Variants in ADCY8 observed in about 807,000 individuals in gnomAD.
ADCY8 encodes the protein adenylate cyclase type 8.
Under a neutral mutation model 119.7 loss-of-function variants are expected in ADCY8, and 51 were observed. That is an observed-to-expected ratio of 0.43 (90% confidence interval 0.34 to 0.54). The LOEUF is 0.54. Ranked by LOEUF, ADCY8 falls within the 20% of genes least tolerant of loss-of-function variation. The probability of loss-of-function intolerance (pLI) is 0.03; values close to 1 mark genes in which losing one functional copy is unlikely to be tolerated. For synonymous variants in ADCY8, 665 were observed against 651.0 expected (o/e 1.02, Z -0.33); for missense variants, 1,383 against 1,598.8 (o/e 0.87, Z 2.30).
At chr8:131,004,619 G>C (rs940316059) in intron 1 of ADCY8, among the ~76,000 whole-genome samples, 2 of 152,192 alleles carry the variant, frequency 1.3e-5, no homozygotes, top group Admixed American at 1.3e-4. Flanking sequence ...TCACGGTGCT[G>C]CTTCTTATTC....
intron 13 of ADCY8, among the ~76,000 whole-genome samples, chr8:130,816,529 C>G (rs1426865928): frequency 6.6e-6 from 1 of 151,524 alleles, no homozygotes; most frequent in Admixed American, 6.6e-5. Context: ...GGGTTCACCC[C>G]ATTCTCCTGC....
intron 14 of ADCY8, among the ~76,000 whole-genome samples, chr8:130,807,561 G>A (rs1816005984): frequency 6.6e-6 from 1 of 152,178 alleles, no homozygotes. Context: ...CCATGTGGGG[G>A]CACAGAGTTT....
At chr8:130,834,659 G>A (rs1816931196) in intron 12 of ADCY8, among the ~76,000 whole-genome samples, 1 of 152,138 alleles carries the variant, frequency 6.6e-6, no homozygotes, top group East Asian at 1.9e-4. Flanking sequence ...TTTGATGTTT[G>A]TGTTATTTCA....
chr8:130,951,900 A>T lies in ADCY8; in HGVS notation c.1209T>A (p.His403Gln). The T allele has an allele frequency of 6.2e-7, 1 of 1,614,062 alleles. No homozygotes were observed. The highest frequency in any genetic ancestry group is 8.5e-7 in the Non-Finnish European group (1 of 1,179,976). ...VEDEHLQHQF[H>Q]RIYIHRYENV... is the part of the protein sequence containing the mutation. ...TCTCATAGCGATGGATGTAGATCCG[A>T]TGGAACTGGTGCTGCAGGTGCTCAT... The change falls in exon 3 of 18, where the codon CAT becomes CAA. Residue 403 changes from histidine to glutamine, a missense_variant. By Grantham distance (24) the His-to-Gln change is conservative. Coordinates refer to ENST00000286355, the MANE Select transcript of ADCY8 (RefSeq NM_001115.3).
At chr8:131,032,972 T>C (rs1824040817) in intron 1 of ADCY8, among the ~76,000 whole-genome samples, 1 of 152,202 alleles carries the variant, frequency 6.6e-6, no homozygotes, top group African/African-American at 2.4e-5. Flanking sequence ...CAACCTTCAA[T>C]ACTGCCACTA....
intron 9 of ADCY8, among the ~76,000 whole-genome samples, chr8:130,854,827 C>CTCCCTTCCTTCCTTCCT (rs1817660878): frequency 8.1e-6 from 1 of 123,914 alleles, no homozygotes; most frequent in African/African-American, 3.3e-5. Flanking sequence ...CCCTCCCTCC[C>CTCCCTTCCTTCCTTCCT]TCCCTCCCTC....
chr8:130,856,092 G>A (rs62518091), intron 9 of ADCY8, among the ~76,000 whole-genome samples: 60,287 of 151,488 alleles, frequency 0.4, 12,478 homozygotes, highest in African/African-American at 0.51. Context: ...CTTTTTCCAT[G>A]ACCTGGTGAG....
At position 130,903,789 on chromosome 8, in the gene ADCY8, T is replaced by C. The variant is rs1819686422; in HGVS notation, c.1894A>G (p.Ile632Val). The C allele has an allele frequency of 5.6e-6, 9 of 1,612,460 alleles. No individual in the cohort carries two copies. Among genetic ancestry groups the C allele is most frequent in the Non-Finnish European group, 7.6e-6 (9 of 1,179,954 alleles). Residue 632 changes from isoleucine (I) to valine (V), a missense_variant, in exon 7 of 18, where the codon ATC (isoleucine) becomes GTC (valine). Transcript: ENST00000286355. The stretch of plus-strand genomic sequence containing the variant: ...GGACTTACATTCTGTTTCCCCACGA[T>C]ATTATCAAAGGGCAGTTCAGGGCTC... The part of the protein sequence containing the change: ...SWSPELPFDN[I>V]VGKQNTLAAL...
intron 5 of ADCY8, among the ~76,000 whole-genome samples, chr8:130,917,387 C>T (rs1194555064): frequency 6.6e-6 from 1 of 152,178 alleles, no homozygotes; most frequent in East Asian, 1.9e-4. Flanking sequence ...GGTTAAGTCA[C>T]ACGGGTGTTA....
At chr8:130,787,871 T>C (rs1413742180) in intron 15 of ADCY8, among the ~76,000 whole-genome samples, 1 of 151,812 alleles carries the variant, frequency 6.6e-6, no homozygotes, top group Non-Finnish European at 1.5e-5. Flanking sequence ...TATATGTACA[T>C]ATGTGTGTGG....
chr8:131,021,415 G>A (rs940168819), intron 1 of ADCY8, among the ~76,000 whole-genome samples: 1 of 152,034 alleles, frequency 6.6e-6, no homozygotes, highest in African/African-American at 2.4e-5. Flanking sequence ...AAAAAATGTG[G>A]GTCTCCCAGA....
intron 8 of ADCY8, among the ~76,000 whole-genome samples, chr8:130,881,738 T>G (rs1397047247): frequency 2.0e-5 from 3 of 152,172 alleles, no homozygotes; most frequent in Non-Finnish European, 2.9e-5. Flanking sequence ...CACCTTATTA[T>G]CAGGGGAATC....
intron 11 of ADCY8, among the ~76,000 whole-genome samples, chr8:130,843,772 A>G (rs1362596748): frequency 1.3e-5 from 2 of 152,162 alleles, no homozygotes; most frequent in Non-Finnish European, 2.9e-5. Flanking sequence ...TTTAATAGCT[A>G]TACAATATTA....
chr8:130,872,163 CA>C (rs1818387518), intron 8 of ADCY8, among the ~76,000 whole-genome samples: 1 of 151,612 alleles, frequency 6.6e-6, no homozygotes, highest in South Asian at 2.1e-4. Context: ...TTAGTTGATT[CA>C]AAAAAAGGTC....
intron 7 of ADCY8, among the ~76,000 whole-genome samples, chr8:130,899,912 C>A (rs549473127): frequency 8.5e-5 from 13 of 152,302 alleles, no homozygotes; most frequent in African/African-American, 3.1e-4. Flanking sequence ...TATTCTCCCC[C>A]ATATGTGAAA....
intron 9 of ADCY8, among the ~76,000 whole-genome samples, chr8:130,852,504 A>G (rs1311609250): frequency 6.6e-6 from 1 of 152,184 alleles, no homozygotes; most frequent in Non-Finnish European, 1.5e-5. Context: ...AGGAAGTCCC[A>G]TGAGAGAGGG....
chr8:130,851,152 C>T (rs576878112), intron 9 of ADCY8, among the ~76,000 whole-genome samples: 2 of 152,238 alleles, frequency 1.3e-5, no homozygotes, highest in South Asian at 4.1e-4. Flanking sequence ...TTTATTTATT[C>T]AACAAGTCTT....
intron 9 of ADCY8, among the ~76,000 whole-genome samples, chr8:130,867,545 T>C (rs1818171201): frequency 6.7e-6 from 1 of 148,220 alleles, no homozygotes; most frequent in African/African-American, 2.6e-5. Context: ...GTAAATGGTG[T>C]TGAGGTTCTT....
chr8:130,986,706 G>A (rs1441678331), intron 2 of ADCY8, among the ~76,000 whole-genome samples: 1 of 152,156 alleles, frequency 6.6e-6, no homozygotes, highest in African/African-American at 2.4e-5. Context: ...GCAGTTTGGG[G>A]AAAGAGACAT....
Sources: allele counts gnomAD v4.1 joint callset (sites outside exome capture counted in the v4.1 genomes callset), GRCh38; gene constraint gnomAD v4.1.1; transcripts MANE v1.5; gene names NCBI Gene and HGNC (gene_info 2026-07-23, HGNC 2026-07-21).